Variants in RIMS2 observed in about 807,000 individuals in gnomAD.
RIMS2 encodes regulating synaptic membrane exocytosis protein 2.
Under a neutral mutation model 174.4 loss-of-function variants are expected in RIMS2, and 59 were observed. That is an observed-to-expected ratio of 0.34 (90% CI 0.27 to 0.42). The LOEUF (loss-of-function observed/expected upper bound fraction) is 0.42. Ranked by LOEUF, RIMS2 falls within the 10% of genes least tolerant of loss-of-function variation. RIMS2 has a pLI of 1.00. For synonymous variants in RIMS2, 606 were observed against 572.5 expected, an observed-to-expected ratio of 1.06 and a Z score of -0.84; for missense variants, 1,620 against 1,666.3, an observed-to-expected ratio of 0.97 and a Z score of 0.48.
intron 19 of RIMS2, among the ~76,000 whole-genome samples, chr8:104,146,197 C>T (rs1396684854): frequency 1.7e-5 from 2 of 120,602 alleles, no homozygotes; most frequent in African/African-American, 6.6e-5. Context: ...GAACCTGTCT[C>T]CTCTCCCAAA....
At chr8:103,908,621 G>T (rs2075021267) in intron 4 of RIMS2, among the ~76,000 whole-genome samples, 1 of 152,016 alleles carries the variant, frequency 6.6e-6, no homozygotes, top group African/African-American at 2.4e-5. Context: ...CCAGAAACCG[G>T]GGAGTTAACC....
intron 1 of RIMS2, among the ~76,000 whole-genome samples, chr8:103,594,846 A>T (rs1441820883): frequency 6.6e-6 from 1 of 151,918 alleles, no homozygotes; most frequent in African/African-American, 2.4e-5. Context: ...ATATATAAGT[A>T]TGTTTCACCT....
At chr8:104,112,655 A>G (rs1434274360) in intron 19 of RIMS2, among the ~76,000 whole-genome samples, 2 of 152,208 alleles carry the variant, frequency 1.3e-5, no homozygotes, top group Non-Finnish European at 2.9e-5. Flanking sequence ...ACTACAAAAG[A>G]AAAAGAACTT....
chr8:103,931,241 A>C (rs1440661001), intron 11 of RIMS2, 22 bp from the exon 14 acceptor site: 1 of 1,560,366 alleles, frequency 6.4e-7, no homozygotes, highest in Non-Finnish European at 8.7e-7. Context: ...TGAATTGATA[A>C]ATGAATATTT....
intron 19 of RIMS2, among the ~76,000 whole-genome samples, chr8:104,199,026 G>A (rs924972751): frequency 2.0e-5 from 3 of 148,816 alleles, no homozygotes; most frequent in Non-Finnish European, 4.4e-5. Flanking sequence ...TATGGAGGGA[G>A]GCTTAAAATA....
intron 4 of RIMS2, among the ~76,000 whole-genome samples, chr8:103,886,654 T>G (rs1017159038): frequency 3.3e-5 from 5 of 151,832 alleles, no homozygotes; most frequent in Non-Finnish European, 5.9e-5. Context: ...ATATAACCAT[T>G]GTTAACCTTT....
chr8:103,680,261 A>G (rs1207957664), intron 1 of RIMS2, among the ~76,000 whole-genome samples: 2 of 152,080 alleles, frequency 1.3e-5, no homozygotes, highest in Non-Finnish European at 2.9e-5. Context: ...ATAGATTGAT[A>G]TCACAAATCA....
intron 1 of RIMS2, among the ~76,000 whole-genome samples, chr8:103,543,840 TAACTC>T: frequency 6.6e-6 from 1 of 152,272 alleles, no homozygotes; most frequent in Middle Eastern, 3.4e-3. Flanking sequence ...GTGCAAAAAT[TAACTC>T]AAAATGGGTT....
chr8:103,675,491 A>C (rs2096797221), intron 1 of RIMS2, among the ~76,000 whole-genome samples: 1 of 152,188 alleles, frequency 6.6e-6, no homozygotes, highest in African/African-American at 2.4e-5. Context: ...ACATATCTTC[A>C]GGTCTTACCT....
Position 103,766,342 on chromosome 8 carries a change from G to C in RIMS2, c.503G>C (p.Arg168Pro). ...CAGCAACCTGATCAAAAGGTTCTTC[G>C]AGGGCTAAGAAATGAGGAGGCACCT... Residue 168 changes from arginine (R) to proline (P), a missense_variant, in exon 3 of 24, where the codon CGA becomes CCA. Transcript: ENST00000504942. 1 of 1,613,566 alleles carries C rather than the reference G, an allele frequency of 6.2e-7. No individual in the cohort carries two copies. The highest frequency in any genetic ancestry group is 1.1e-5 in the South Asian group (1 of 91,064).
intron 1 of RIMS2, among the ~76,000 whole-genome samples, chr8:103,605,469 C>G (rs28783117): frequency 0.16 from 23,037 of 143,910 alleles, 1,987 homozygotes; most frequent in African/African-American, 0.22. Flanking sequence ...CTCTTTTTTG[C>G]TTGTGTCTCT....
chr8:103,823,098 A>G (rs2098763454), intron 3 of RIMS2, among the ~76,000 whole-genome samples: 1 of 151,884 alleles, frequency 6.6e-6, no homozygotes, highest in Non-Finnish European at 1.5e-5. Context: ...TTTTTTATAC[A>G]ACGAAGAGAT....
intron 1 of RIMS2, among the ~76,000 whole-genome samples, chr8:103,577,718 A>C (rs1588132331): frequency 6.6e-6 from 1 of 152,360 alleles, no homozygotes; most frequent in African/African-American, 2.4e-5. Flanking sequence ...ATGAAAAAAC[A>C]ATTCAGAAAT....
Position 103,815,873 on chromosome 8 carries a change from C to T in RIMS2, c.698+49336C>T, listed in dbSNP as rs376891087. Among the ~76,000 whole-genome samples the T allele has an allele frequency of 3.9e-5, 6 of 152,018 alleles. No homozygotes were observed. In the South Asian group the frequency reaches 8.3e-4, roughly 21 times the overall value. ...CATTGGTACACATGAGATTTTAATA[C>T]AGTAATTTCCCTATGAGGTGATATA... On this transcript the variant is annotated intron_variant, in intron 3 of 23. Coordinates refer to ENST00000504942, the Ensembl canonical transcript of RIMS2.
Position 103,953,039 on chromosome 8 carries a change from T to C in RIMS2, c.2702-8026T>C, listed in dbSNP as rs186257239. 1.8e-3 allele frequency among the ~76,000 whole-genome samples: 272 copies of C among 151,768 alleles called. 1 individual carries two copies. Among genetic ancestry groups the C allele is most frequent in the African/African-American group, 6.4e-3 (267 of 41,426 alleles). On this transcript the variant is annotated intron_variant, in intron 14 of 23. Coordinates refer to ENST00000504942, the Ensembl canonical transcript of RIMS2. ...GAGATTGAAGATCAACTCAATGAAA[T>C]AAAACAAGATTAAAGGAAAAAGAGT...
At chr8:103,610,822 A>G (rs2095342671) in intron 1 of RIMS2, among the ~76,000 whole-genome samples, 1 of 152,194 alleles carries the variant, frequency 6.6e-6, no homozygotes, top group African/African-American at 2.4e-5. Flanking sequence ...TTTTGGTATC[A>G]GGATAATGCT....
chr8:104,225,648 G>A (rs929066424), intron 19 of RIMS2, among the ~76,000 whole-genome samples: 6 of 152,092 alleles, frequency 3.9e-5, no homozygotes, highest in Non-Finnish European at 7.3e-5. Flanking sequence ...TTTGAAGTAC[G>A]TTTGCTTAAC....
intron 3 of RIMS2, among the ~76,000 whole-genome samples, chr8:103,865,855 G>A (rs1275535832): frequency 6.6e-6 from 1 of 151,896 alleles, no homozygotes; most frequent in Non-Finnish European, 1.5e-5. Flanking sequence ...TAATATTTTA[G>A]TCTTTAACAC....
chr8:104,170,300 A>G (rs750967678), intron 19 of RIMS2, among the ~76,000 whole-genome samples: 4 of 152,062 alleles, frequency 2.6e-5, no homozygotes, highest in Admixed American at 6.6e-5. Context: ...GTTGCTATCT[A>G]TCTCATTTCC....
Sources: allele counts gnomAD v4.1 joint callset (sites outside exome capture counted in the v4.1 genomes callset), GRCh38; gene constraint gnomAD v4.1.1; transcripts MANE v1.5; gene names NCBI Gene and HGNC (gene_info 2026-07-23, HGNC 2026-07-21).